The following ARL6IP6 variants were observed in gnomAD, a reference collection of about 807,000 sequenced individuals.
The protein encoded by ARL6IP6 is ARF like GTPase 6 interacting protein 6.
ARL6IP6 carries 22 observed loss-of-function variants against 21.5 expected under a neutral mutation model. That is an observed-to-expected ratio of 1.02 (90% CI 0.73 to 1.46). The LOEUF is 1.46. ARL6IP6 is among the 40% of genes most tolerant of loss of function. ARL6IP6 has a pLI of 0.00. For missense variants in ARL6IP6, 388 were observed against 299.8 expected (o/e 1.29, Z -2.17); for synonymous variants, 164 against 125.3 (o/e 1.31, Z -2.06).
intron 2 of ARL6IP6, among the ~76,000 whole-genome samples, chr2:152,733,615 A>G (rs1700424370): frequency 6.6e-6 from 1 of 152,110 alleles, no homozygotes; most frequent in Non-Finnish European, 1.5e-5. Flanking sequence ...CAGTTCCTAT[A>G]CTATTTCAAT....
At chr2:152,720,789 T>G (rs1210691275) in intron 2 of ARL6IP6, among the ~76,000 whole-genome samples, 3 of 152,170 alleles carry the variant, frequency 2.0e-5, no homozygotes, top group African/African-American at 7.2e-5. Context: ...TATGGTATGT[T>G]TGCTATAATT....
rs904549055 is a variant in ARL6IP6 at position 152,760,883 on chromosome 2, T to C, written c.*1043T>C. The C allele has an allele frequency of 1.3e-5, 2 of 152,060 alleles. No homozygotes were observed. Among genetic ancestry groups the C allele is most frequent in the Non-Finnish European group, 2.9e-5 (2 of 67,984 alleles). The allele number at this position is 152,060 out of a possible 1,614,324, so 9.4% of individuals were successfully genotyped here. A position where few individuals can be genotyped will look rare whatever the true frequency, so the allele number is the denominator to read the frequency against. ...ACTACATATAGTTAATATAATTTTA[T>C]AATTTTTGTAATTAAATGTGCTCCT... On this transcript the variant is annotated 3_prime_UTR_variant, in exon 4 of 4. Transcript: ENST00000326446.
chr2:152,745,173 T>C (rs927987873), intron 3 of ARL6IP6, among the ~76,000 whole-genome samples: 5 of 152,152 alleles, frequency 3.3e-5, no homozygotes, highest in Non-Finnish European at 5.9e-5. Flanking sequence ...TCAACATTAG[T>C]TTGGGTCTTT....
At chr2:152,748,458 T>G (rs970750126) in intron 3 of ARL6IP6, among the ~76,000 whole-genome samples, 5 of 152,160 alleles carry the variant, frequency 3.3e-5, no homozygotes, top group African/African-American at 4.8e-5. Context: ...TGATAGTAAC[T>G]CCAAACAAAG....
chr2:152,727,913 C>CA (rs1205515889), intron 2 of ARL6IP6, among the ~76,000 whole-genome samples: 1 of 152,158 alleles, frequency 6.6e-6, no homozygotes, highest in Admixed American at 6.5e-5. Flanking sequence ...TTGTTAGTAT[C>CA]ATAAAATGCA....
intron 3 of ARL6IP6, among the ~76,000 whole-genome samples, chr2:152,751,484 C>G (rs1417191203): frequency 2.0e-5 from 3 of 152,148 alleles, no homozygotes; most frequent in Non-Finnish European, 2.9e-5. Flanking sequence ...TAACTAACCT[C>G]CTGCTATCCT....
At chr2:152,749,312 A>C (rs934966222) in intron 3 of ARL6IP6, among the ~76,000 whole-genome samples, 1 of 62,016 alleles carries the variant, frequency 1.6e-5, no homozygotes, top group Non-Finnish European at 3.5e-5. Flanking sequence ...CACACACACA[A>C]AAACACACAC....
At chr2:152,734,961 A>G in intron 2 of ARL6IP6, 33 bp from the exon 3 acceptor site, 2 of 1,592,300 alleles carry the variant, frequency 1.3e-6, no homozygotes, top group East Asian at 2.2e-5. Context: ...TGGTGTTAAT[A>G]ATGTACTTTT....
At chr2:152,728,470 C>T (rs890696928) in intron 2 of ARL6IP6, among the ~76,000 whole-genome samples, 1 of 152,080 alleles carries the variant, frequency 6.6e-6, no homozygotes, top group African/African-American at 2.4e-5. Context: ...TTGAAAGTTG[C>T]CTCATCCCCG....
In ARL6IP6 at chr2:152,734,995, A is replaced by G. The variant is rs752252912; in HGVS notation, c.456A>G (p.Gly152=). 43 of 1,612,274 alleles carry G rather than the reference A, an allele frequency of 2.7e-5. No individual in the cohort carries two copies. The highest frequency in any genetic ancestry group is 5.0e-5 in the Admixed American group (3 of 59,966). ...NEDDVDTGLL[G]FWTLLIISLT... ...TTTCCCCTCTCTTTTCCTGTTAAGG[A>G]TTCTGGACTCTACTTATAATATCCC... is the stretch of plus-strand genomic sequence containing the variant. The change falls in exon 3 of 4, where the codon GGA becomes GGG. Residue 152 remains glycine, a splice_region_variant and synonymous_variant. Transcript: ENST00000326446.
At position 152,761,794 on chromosome 2, in the gene ARL6IP6, A is replaced by G. The variant is rs1046954124; in HGVS notation, c.*1954A>G. ...ATAGCCTAGGTGTGTAGTAGGCTATACCATCTAGGTTTGTGTAAGTATACT... is the reference window on the plus strand; with the variant it reads ...ATAGCCTAGGTGTGTAGTAGGCTATGCCATCTAGGTTTGTGTAAGTATACT... On this transcript the variant is annotated 3_prime_UTR_variant, in exon 4 of 4. Transcript: ENST00000326446. Among the ~76,000 whole-genome samples the G allele has an allele frequency of 1.3e-5, 2 of 152,320 alleles. No individual in the cohort carries two copies. Among genetic ancestry groups the G allele is most frequent in the Admixed American group, 1.3e-4 (2 of 15,298 alleles).
At chr2:152,740,010 C>T (rs1282217479) in intron 3 of ARL6IP6, among the ~76,000 whole-genome samples, 1 of 152,220 alleles carries the variant, frequency 6.6e-6, no homozygotes, top group Non-Finnish European at 1.5e-5. Flanking sequence ...CAGGTCCCTC[C>T]CATGACGTGG....
chr2:152,738,172 A>G (rs751415368), intron 3 of ARL6IP6, among the ~76,000 whole-genome samples: 3 of 152,220 alleles, frequency 2.0e-5, no homozygotes, highest in Non-Finnish European at 4.4e-5. Flanking sequence ...CGTATCTCAC[A>G]TCCAGGTCAC....
rs189159429 is a variant in ARL6IP6, at chr2:152,731,615, T to G, written c.455-3379T>G. 1.4e-3 allele frequency among the ~76,000 whole-genome samples: 215 copies of G among 152,264 alleles called. 4 individuals carry two copies. The highest frequency in any genetic ancestry group is 0.014 in the Admixed American group (212 of 15,286). On this transcript the variant is annotated intron_variant, in intron 2 of 3. Coordinates refer to ENST00000326446, the MANE Select transcript of ARL6IP6 (RefSeq NM_152522.7). ...AAAAAGTACTACCTGACTGAATTTT[T>G]TTATTTTTTACAAATTTACTTAGTT...
intron 3 of ARL6IP6, among the ~76,000 whole-genome samples, chr2:152,750,449 C>T (rs1269901576): frequency 6.8e-6 from 1 of 147,432 alleles, no homozygotes; most frequent in Non-Finnish European, 1.5e-5. Flanking sequence ...GCACTCCAGA[C>T]CAGGTGACAG....
At chr2:152,729,334 C>CTGTGTGTGTGTGTGTG (rs10604718) in intron 2 of ARL6IP6, among the ~76,000 whole-genome samples, 293 of 151,052 alleles carry the variant, frequency 1.9e-3, no homozygotes, top group African/African-American at 6.8e-3. Flanking sequence ...CAGACTTTGT[C>CTGTGTGTGTGTGTGTG]TGTGTGTGTG....
chr2:152,752,910 T>G (rs1026191407), intron 3 of ARL6IP6, among the ~76,000 whole-genome samples: 1 of 152,168 alleles, frequency 6.6e-6, no homozygotes, highest in African/African-American at 2.4e-5. Context: ...GATTGAACTT[T>G]AGGAAATTGG....
upstream of ARL6IP6, chr2:152,718,008 C>T: frequency 1.0e-6 from 1 of 991,770 alleles, no homozygotes; most frequent in Non-Finnish European, 1.2e-6. Flanking sequence ...GGAGAGCGCG[C>T]GCCTGGGGAA....
intron 2 of ARL6IP6, among the ~76,000 whole-genome samples, chr2:152,721,848 A>G (rs116044866): frequency 9.5e-4 from 144 of 152,358 alleles, no homozygotes; most frequent in South Asian, 2.1e-3. Flanking sequence ...TTTCTTAGAT[A>G]TTGCATGGAA....
Sources: allele counts gnomAD v4.1 joint callset (sites outside exome capture counted in the v4.1 genomes callset), GRCh38; gene constraint gnomAD v4.1.1; transcripts MANE v1.5; gene names NCBI Gene and HGNC (gene_info 2026-07-23, HGNC 2026-07-21).